BACH2: variants seen among roughly 807,000 people sequenced by gnomAD.
BACH2 encodes transcription regulator protein BACH2.
A neutral mutation model predicts 61.8 loss-of-function variants in BACH2; 5 were observed. That is an observed-to-expected ratio of 0.08 (90% CI 0.04 to 0.17). The LOEUF (loss-of-function observed/expected upper bound fraction) is 0.17, where lower values mean the gene tolerates loss of function less well. BACH2 is among the 10% of genes least tolerant of loss of function. The pLI is 1.00. For missense variants in BACH2, 824 were observed against 1,091.1 expected (o/e 0.76, Z 3.45); for synonymous variants, 446 against 440.1 (o/e 1.01, Z -0.17).
chr6:89,968,217 C>T (rs761783207), intron 6 of BACH2, among the ~76,000 whole-genome samples: 6 of 152,226 alleles, frequency 3.9e-5, no homozygotes, highest in African/African-American at 1.4e-4. Flanking sequence ...AAGGAGGTGG[C>T]AATTAAACTG....
chr6:90,266,541 T>A (rs1017180629), intron 2 of BACH2, among the ~76,000 whole-genome samples: 1 of 152,184 alleles, frequency 6.6e-6, no homozygotes, highest in Non-Finnish European at 1.5e-5. Flanking sequence ...TTATTGTATA[T>A]TGTAGCATAC....
At chr6:90,225,115 T>A (rs1769868690) in intron 3 of BACH2, among the ~76,000 whole-genome samples, 1 of 152,142 alleles carries the variant, frequency 6.6e-6, no homozygotes, top group Non-Finnish European at 1.5e-5. Flanking sequence ...TTGGGCATGC[T>A]GGCTCACACC....
intron 4 of BACH2, among the ~76,000 whole-genome samples, chr6:90,140,365 A>G (rs1582411410): frequency 6.6e-6 from 1 of 152,274 alleles, no homozygotes; most frequent in Non-Finnish European, 1.5e-5. Flanking sequence ...AAGCTTCCTT[A>G]TCTTCTGAGG....
intron 1 of BACH2, among the ~76,000 whole-genome samples, chr6:90,295,888 G>A (rs1371257059): frequency 1.3e-5 from 2 of 152,160 alleles, no homozygotes; most frequent in African/African-American, 2.4e-5. Context: ...ATTCCCCGCC[G>A]GTCGCGGTGG....
chr6:90,274,850 C>T (rs1465111129), intron 1 of BACH2, among the ~76,000 whole-genome samples: 1 of 152,174 alleles, frequency 6.6e-6, no homozygotes, highest in African/African-American at 2.4e-5. Flanking sequence ...ATCTTTGCAT[C>T]AAATACCTGG....
In BACH2 at chr6:90,008,721, T is replaced by C. The variant is rs758086634; in HGVS notation, c.124A>G (p.Ile42Val). 12 of 1,614,054 alleles carry C rather than the reference T, an allele frequency of 7.4e-6. No homozygotes were observed. In the South Asian group the frequency reaches 1.3e-4, roughly 18 times the overall value. Reference protein sequence around the residue: ...KKDILCDVTLIVERKEFRAHR... With the variant: ...KKDILCDVTLVVERKEFRAHR... The stretch of plus-strand genomic sequence containing the variant: ...GCCCGGAACTCCTTCCTCTCCACGA[T>C]CAAAGTCACGTCACAGAGAATATCC... Residue 42 changes from isoleucine (I) to valine (V), a missense_variant, in exon 6 of 9, where the codon ATC becomes GTC. By Grantham distance (29) the Ile-to-Val change is conservative (BLOSUM62 3). This residue lies in a region of BACH2 where 66 missense variants were observed against 144.8 expected (regional missense o/e 0.46). Coordinates refer to ENST00000257749, the MANE Select transcript of BACH2 (RefSeq NM_021813.4). This position sits in a 1 kb window ranked among gnomAD's most constrained non-coding sequence, Gnocchi z 4.1.
intron 4 of BACH2, among the ~76,000 whole-genome samples, chr6:90,098,588 G>A (rs1307440498): frequency 3.9e-5 from 6 of 152,204 alleles, no homozygotes; most frequent in South Asian, 2.1e-4. Flanking sequence ...AGAACCAGAC[G>A]CATAGACACA....
At chr6:90,007,331 C>T (rs1777462090) in intron 6 of BACH2, among the ~76,000 whole-genome samples, 1 of 152,042 alleles carries the variant, frequency 6.6e-6, no homozygotes, top group South Asian at 2.1e-4. Flanking sequence ...GCCTCGGCCT[C>T]CCAAGTTATT....
intron 6 of BACH2, among the ~76,000 whole-genome samples, chr6:89,966,105 T>G (rs988261930): frequency 1.3e-5 from 2 of 152,200 alleles, no homozygotes; most frequent in African/African-American, 2.4e-5. Context: ...ACAGAAGGAA[T>G]AAAGCTACAG....
chr6:90,173,824 A>ATC (rs1767898747), intron 4 of BACH2, among the ~76,000 whole-genome samples: 1 of 152,172 alleles, frequency 6.6e-6, no homozygotes. Context: ...TGATCATATG[A>ATC]AAATTATACC....
At chr6:90,143,809 T>C (rs1309180196) in intron 4 of BACH2, among the ~76,000 whole-genome samples, 1 of 152,190 alleles carries the variant, frequency 6.6e-6, no homozygotes, top group Non-Finnish European at 1.5e-5. Context: ...CTACTATGTG[T>C]CAGGCACTGT....
intron 4 of BACH2, among the ~76,000 whole-genome samples, chr6:90,105,775 A>C (rs768555131): frequency 2.0e-5 from 3 of 152,210 alleles, no homozygotes; most frequent in Non-Finnish European, 2.9e-5. Flanking sequence ...AGAAAAGTGA[A>C]GGATGGGGCC....
In BACH2 at chr6:89,963,543, C is replaced by T. The variant is rs556871619; in HGVS notation, c.244-11681G>A. 3.3e-4 allele frequency among the ~76,000 whole-genome samples: 51 copies of T among 152,292 alleles called. 1 individual carries two copies. The South Asian group carries it at 6.2e-3, about 19-fold the overall frequency. ...CTGGGCTCAAGTGATTCTCCTGCCT[C>T]GTTCTCCCAAAGTGCAGGAATGACA... On this transcript the variant is annotated intron_variant, in intron 6 of 8. Transcript: ENST00000257749.
intron 5 of BACH2, among the ~76,000 whole-genome samples, chr6:90,019,874 GATAC>G (rs1483941907): frequency 6.6e-6 from 1 of 152,172 alleles, no homozygotes; most frequent in African/African-American, 2.4e-5. Flanking sequence ...GAAAAACAAA[GATAC>G]AGCAACATAA....
chr6:89,998,871 G>C (rs1407294276), intron 6 of BACH2, among the ~76,000 whole-genome samples: 1 of 152,140 alleles, frequency 6.6e-6, no homozygotes, highest in Non-Finnish European at 1.5e-5. Flanking sequence ...ACACCCACCA[G>C]AAATGTCATG....
chr6:90,217,692 G>A (rs1045684642), intron 3 of BACH2, among the ~76,000 whole-genome samples: 1 of 152,134 alleles, frequency 6.6e-6, no homozygotes, highest in African/African-American at 2.4e-5. Flanking sequence ...CAAAGCTAAT[G>A]CATGTAAGCA....
chr6:90,213,317 A>C (rs915123469), intron 3 of BACH2, among the ~76,000 whole-genome samples: 3 of 152,222 alleles, frequency 2.0e-5, no homozygotes, highest in Non-Finnish European at 4.4e-5. Flanking sequence ...TTGCTGTTTT[A>C]ATGTTGGAAA....
At position 90,133,185 on chromosome 6, in the gene BACH2, TCTC is replaced by T. The variant is rs1434499857; in HGVS notation, c.-161-44079_-161-44077del. ...CTCTGCCCACCTCATCCTTTGTCCT[TCTC>T]CTCCTCCTTCAAAACCCATGTAGCA... On this transcript the variant is annotated intron_variant, in intron 4 of 8. Coordinates refer to ENST00000257749, the MANE Select transcript of BACH2 (RefSeq NM_021813.4). Among the ~76,000 whole-genome samples, 11 of 152,342 alleles carry T rather than the reference TCTC, an allele frequency of 7.2e-5. No individual in the cohort carries two copies. The South Asian group carries it at 2.3e-3, about 32-fold the overall frequency.
At chr6:90,060,937 A>G (rs900481927) in intron 5 of BACH2, among the ~76,000 whole-genome samples, 1 of 152,164 alleles carries the variant, frequency 6.6e-6, no homozygotes, top group African/African-American at 2.4e-5. Context: ...CTGTTGACAT[A>G]TATGCACTTA....
Sources: gnomAD v4.1 joint callset for allele counts (sites outside exome capture counted in the v4.1 genomes callset) on GRCh38, gnomAD v4.1.1 for gene constraint, gnomAD v4.1.1 regional missense constraint, Gnocchi (gnomAD v3.1) non-coding constraint, MANE v1.5 for transcripts, NCBI Gene and HGNC (gene_info 2026-07-23, HGNC 2026-07-21) for gene names.